Variants in MARCHF11 observed in about 807,000 individuals in gnomAD.
MARCHF11 encodes membrane associated ring-CH-type finger 11, also known as E3 ubiquitin-protein ligase MARCHF11.
A neutral mutation model predicts 37.3 loss-of-function variants in MARCHF11; 29 were observed. The observed-to-expected ratio is 0.78, with a 90% confidence interval of 0.58 to 1.06. The LOEUF (loss-of-function observed/expected upper bound fraction) is 1.06, where lower values mean the gene tolerates loss of function less well. Ranked by LOEUF, MARCHF11 falls within the 50% of genes least tolerant of loss-of-function variation. The pLI is 0.00. For synonymous variants in MARCHF11, 233 were observed against 228.0 expected, an observed-to-expected ratio of 1.02 and a Z score of -0.20; for missense variants, 482 against 533.4, an observed-to-expected ratio of 0.90 and a Z score of 0.95.
At chr5:16,149,404 C>T (rs117331146) in intron 2 of MARCHF11, among the ~76,000 whole-genome samples, 3 of 152,174 alleles carry the variant, frequency 2.0e-5, no homozygotes, top group East Asian at 1.9e-4. Flanking sequence ...AGTGTTGGCG[C>T]GAATGCAGAG....
chr5:16,144,391 G>A (rs191478719), intron 2 of MARCHF11, among the ~76,000 whole-genome samples: 3 of 152,228 alleles, frequency 2.0e-5, no homozygotes, highest in Admixed American at 6.5e-5. Flanking sequence ...TATTCGTCGC[G>A]ATGTTCAGCC....
chr5:16,131,038 T>G (rs927406230), intron 2 of MARCHF11, among the ~76,000 whole-genome samples: 1 of 152,222 alleles, frequency 6.6e-6, no homozygotes, highest in African/African-American at 2.4e-5. Flanking sequence ...CAGCAGTACC[T>G]TGAATATTTC....
At chr5:16,097,851 C>T (rs955996872) in intron 2 of MARCHF11, among the ~76,000 whole-genome samples, 14 of 152,226 alleles carry the variant, frequency 9.2e-5, no homozygotes, top group South Asian at 4.1e-4. Flanking sequence ...GGCCACACAA[C>T]GCTGATACCA....
chr5:16,083,017 T>C (rs987166160), intron 3 of MARCHF11, among the ~76,000 whole-genome samples: 14 of 152,182 alleles, frequency 9.2e-5, no homozygotes, highest in Admixed American at 9.2e-4. Context: ...GATTCCAGGC[T>C]TGGTAATGGT....
chr5:16,147,029 A>T (rs1737809875), intron 2 of MARCHF11, among the ~76,000 whole-genome samples: 1 of 152,162 alleles, frequency 6.6e-6, no homozygotes, highest in East Asian at 1.9e-4. Flanking sequence ...AAAATACTGG[A>T]AGTATTTTCT....
intron 2 of MARCHF11, among the ~76,000 whole-genome samples, chr5:16,110,398 G>C (rs1737116837): frequency 6.6e-6 from 1 of 152,126 alleles, no homozygotes; most frequent in South Asian, 2.1e-4. Flanking sequence ...AGACTGACCA[G>C]TCCACCTACT....
intron 2 of MARCHF11, among the ~76,000 whole-genome samples, chr5:16,144,902 C>G (rs1737775227): frequency 6.6e-6 from 1 of 152,064 alleles, no homozygotes; most frequent in African/African-American, 2.4e-5. Flanking sequence ...CCACAGAACA[C>G]CAGCAAAATG....
chr5:16,081,759 T>C (rs903333163), intron 3 of MARCHF11, among the ~76,000 whole-genome samples: 9 of 152,240 alleles, frequency 5.9e-5, no homozygotes, highest in African/African-American at 1.9e-4. Flanking sequence ...CTGCTAATTA[T>C]ATTAATGTTT....
At position 16,144,162 on chromosome 5, in the gene MARCHF11, A is replaced by G. The variant is rs1476319428; in HGVS notation, c.693+33564T>C. On this transcript the variant is annotated intron_variant, in intron 2 of 3. Transcript: ENST00000332432. ...AAATAAGGAGTTATTGAGCTAACAC[A>G]TATGAAAGCACTTTATACACAGAAA... Among the ~76,000 whole-genome samples the G allele has an allele frequency of 3.9e-5, 6 of 152,212 alleles. No individual in the cohort carries two copies. The South Asian group carries it at 1.0e-3, about 26-fold the overall frequency.
At chr5:16,149,550 A>G (rs549368847) in intron 2 of MARCHF11, among the ~76,000 whole-genome samples, 41 of 152,142 alleles carry the variant, frequency 2.7e-4, no homozygotes, top group African/African-American at 8.9e-4. Flanking sequence ...GATGGCCCAA[A>G]TTCTTCACTT....
intron 3 of MARCHF11, 69 bp from the exon 4 acceptor site, chr5:16,067,862 T>G: frequency 7.4e-7 from 1 of 1,355,850 alleles, no homozygotes; most frequent in South Asian, 1.4e-5. Context: ...TTATTTTGTA[T>G]ACAAGTAAGG....
intron 2 of MARCHF11, among the ~76,000 whole-genome samples, chr5:16,097,072 A>C (rs1285197776): frequency 6.6e-6 from 1 of 152,164 alleles, no homozygotes; most frequent in Non-Finnish European, 1.5e-5. Context: ...AGGTGGGATC[A>C]CTCAACAGTG....
chr5:16,117,579 G>T (rs1354893263), intron 2 of MARCHF11, among the ~76,000 whole-genome samples: 3 of 152,182 alleles, frequency 2.0e-5, no homozygotes, highest in Non-Finnish European at 2.9e-5. Context: ...ACAGAAGTTG[G>T]TGACTGCTTT....
At chr5:16,102,786 T>C (rs868751977) in intron 2 of MARCHF11, among the ~76,000 whole-genome samples, 22 of 152,300 alleles carry the variant, frequency 1.4e-4, no homozygotes, top group Middle Eastern at 6.8e-3. Flanking sequence ...AGCTGTTTAA[T>C]GGTTGCTGTG....
intron 2 of MARCHF11, among the ~76,000 whole-genome samples, chr5:16,096,133 C>G (rs1736863990): frequency 6.6e-6 from 1 of 152,176 alleles, no homozygotes; most frequent in Non-Finnish European, 1.5e-5. Context: ...CCTACTTAAA[C>G]TGACACATCC....
chr5:16,070,267 TA>T (rs1156901520), intron 3 of MARCHF11, among the ~76,000 whole-genome samples: 1 of 152,138 alleles, frequency 6.6e-6, no homozygotes, highest in East Asian at 1.9e-4. Context: ...TTTTCCTCCT[TA>T]AAATGAAATC....
At chr5:16,100,664 G>A (rs1004614200) in intron 2 of MARCHF11, among the ~76,000 whole-genome samples, 14 of 152,104 alleles carry the variant, frequency 9.2e-5, no homozygotes, top group African/African-American at 2.9e-4. Context: ...CTCTACCCAG[G>A]TGCCAAGTCT....
intron 2 of MARCHF11, among the ~76,000 whole-genome samples, chr5:16,111,541 A>G (rs1012275132): frequency 1.3e-5 from 2 of 152,330 alleles, no homozygotes; most frequent in African/African-American, 4.8e-5. Flanking sequence ...AAAGCATTCA[A>G]GAGGTGACTT....
rs183896357 is a variant in MARCHF11, at chr5:16,093,013, G to A, written c.694-1932C>T. Among the ~76,000 whole-genome samples the A allele has an allele frequency of 3.1e-3, 471 of 152,268 alleles. 1 individual carries two copies. Among genetic ancestry groups the A allele is most frequent in the African/African-American group, 0.011 (457 of 41,562 alleles). On this transcript the variant is annotated intron_variant, in intron 2 of 3. Transcript: ENST00000332432. ...TTTTGAATGCAATATGGTGAGCAACGAAGAAAATCGCTATCAACCATCCTA... is the reference window on the plus strand; with the variant it reads ...TTTTGAATGCAATATGGTGAGCAACAAAGAAAATCGCTATCAACCATCCTA...
Sources: gnomAD v4.1 joint callset for allele counts (sites outside exome capture counted in the v4.1 genomes callset) on GRCh38, gnomAD v4.1.1 for gene constraint, MANE v1.5 for transcripts, NCBI Gene and HGNC (gene_info 2026-07-23, HGNC 2026-07-21) for gene names.